The following MX1 variants were observed in gnomAD, a reference collection of about 807,000 sequenced individuals.
MX1 encodes MX dynamin like GTPase 1, also known as interferon-induced GTP-binding protein Mx1.
A neutral mutation model predicts 66.4 loss-of-function variants in MX1; 66 were observed. The ratio of observed to expected loss-of-function variants is 0.99; its 90% confidence interval spans 0.82 to 1.22. The LOEUF is 1.22. Among genes scored for constraint, MX1 ranks in the 50% most tolerant of loss-of-function variants. The pLI, the probability that MX1 is intolerant of heterozygous loss-of-function variation, is 0.00. For synonymous variants in MX1, 311 were observed against 318.1 expected, an observed-to-expected ratio of 0.98 and a Z score of 0.24; for missense variants, 787 against 834.3, an observed-to-expected ratio of 0.94 and a Z score of 0.70.
chr21:41,424,450 G>A (rs1230712900), upstream of MX1, among the ~76,000 whole-genome samples: 45 of 152,208 alleles, frequency 3.0e-4, no homozygotes, highest in Admixed American at 2.9e-3. Flanking sequence ...TATTGAATTT[G>A]ATTCCATCCA....
At chr21:41,447,930 A>G (rs2090710821) in intron 13 of MX1, among the ~76,000 whole-genome samples, 1 of 152,110 alleles carries the variant, frequency 6.6e-6, no homozygotes, top group Non-Finnish European at 1.5e-5. Context: ...GGGTTTCACC[A>G]TGTTGGCCAG....
intron 5 of MX1, among the ~76,000 whole-genome samples, chr21:41,433,587 A>G (rs1311386253): frequency 6.6e-6 from 1 of 152,232 alleles, no homozygotes; most frequent in Non-Finnish European, 1.5e-5. Flanking sequence ...CTTACGTAAA[A>G]TTCCCCAACA....
In MX1 at chr21:41,436,870, G is replaced by A. The variant is rs1314091666; in HGVS notation, c.299-145G>A. On this transcript the variant is annotated intron_variant, in intron 6 of 16. Transcript: ENST00000398598. ...CACCCAGACACAGTGCGATGTCCCC[G>A]CATATCAGAGGGTAAGACCAGAAAG... 1.1e-5 allele frequency: 10 copies of A among 920,514 alleles called. No homozygotes were observed. In the Admixed American group the frequency reaches 1.6e-4, roughly 15 times the overall value. The allele number at this position is 920,514 out of a possible 1,614,324, so 57.0% of individuals were successfully genotyped here.
chr21:41,444,441 C>G (rs28449257), intron 11 of MX1, among the ~76,000 whole-genome samples: 7,283 of 150,646 alleles, frequency 0.048, 257 homozygotes, highest in Middle Eastern at 0.092. Context: ...ATTCTCCTAC[C>G]TCAGCCTCCT....
chr21:41,440,447 C>G (rs559152683), intron 8 of MX1, among the ~76,000 whole-genome samples: 9 of 152,222 alleles, frequency 5.9e-5, no homozygotes, highest in African/African-American at 1.7e-4. Context: ...CCACTGCACT[C>G]CAGCCTGGGC....
chr21:41,438,281 A>ACCT (rs1421472075), intron 7 of MX1, among the ~76,000 whole-genome samples: 1 of 152,262 alleles, frequency 6.6e-6, no homozygotes, highest in Non-Finnish European at 1.5e-5. Flanking sequence ...TTGCAGCAGA[A>ACCT]AACTCAAAAT....
chr21:41,434,870 C>T (rs2090316898), intron 5 of MX1, among the ~76,000 whole-genome samples: 1 of 152,190 alleles, frequency 6.6e-6, no homozygotes, highest in African/African-American at 2.4e-5. Context: ...CTAGTATAGA[C>T]TCCTTTGTAT....
chr21:41,431,086 G>C (rs1050283618), intron 4 of MX1, among the ~76,000 whole-genome samples: 1 of 152,164 alleles, frequency 6.6e-6, no homozygotes, highest in African/African-American at 2.4e-5. Flanking sequence ...GCAGTGGTGC[G>C]ATCTCGGCTC....
At chr21:41,450,968 G>A (rs1342811261) in intron 14 of MX1, 199 bp from the exon 15 acceptor site, 1 of 373,826 alleles carries the variant, frequency 2.7e-6, no homozygotes, top group African/African-American at 2.1e-5. Flanking sequence ...ATGTATGCCA[G>A]GGGTCATTTG....
intron 1 of MX1, chr21:41,426,490 G>A (rs1182777477): frequency 1.3e-5 from 2 of 152,286 alleles, no homozygotes; most frequent in East Asian, 1.9e-4. Flanking sequence ...AGGCTGCCCA[G>A]GCTCCTGATG....
At chr21:41,448,927 GTTT>G (rs34045368) in intron 13 of MX1, among the ~76,000 whole-genome samples, 23 of 93,518 alleles carry the variant, frequency 2.5e-4, no homozygotes, top group East Asian at 2.2e-3. Context: ...TTCAGATCTG[GTTT>G]TGTGTGTGTG....
intron 16 of MX1, 27 bp downstream of exon 16, chr21:41,452,896 C>T (rs2090871580): frequency 2.5e-6 from 4 of 1,608,454 alleles, no homozygotes; most frequent in African/African-American, 1.3e-5. Context: ...TTCAGGATGC[C>T]AGCTTCCATT....
At chr21:41,421,957 A>G (rs1278531543), upstream of MX1, 2 of 152,266 alleles carry the variant, frequency 1.3e-5, no homozygotes, top group Admixed American at 6.5e-5. Context: ...CAACGCTGCC[A>G]TTCTTTTTCC....
intron 7 of MX1, among the ~76,000 whole-genome samples, chr21:41,438,448 ACCGGGCCTTC>A (rs2090422442): frequency 6.6e-6 from 1 of 151,926 alleles, no homozygotes; most frequent in African/African-American, 2.4e-5. Flanking sequence ...GGCTGGAGTG[ACCGGGCCTTC>A]TGTCTGTGTG....
intron 16 of MX1, among the ~76,000 whole-genome samples, chr21:41,455,332 G>A (rs895546105): frequency 6.6e-5 from 10 of 152,200 alleles, no homozygotes; most frequent in Non-Finnish European, 1.2e-4. Flanking sequence ...CTGCATGCAC[G>A]TGAGTGAAGC....
intron 5 of MX1, among the ~76,000 whole-genome samples, chr21:41,433,909 T>G (rs911984428): frequency 1.3e-5 from 2 of 152,226 alleles, no homozygotes; most frequent in Non-Finnish European, 2.9e-5. Flanking sequence ...TTCATGCATT[T>G]GGTAAGGCTG....
rs767591440 is a variant in MX1, at chr21:41,446,026, C to T, written c.1158C>T (p.Ile386=). Residue 386 remains isoleucine, a synonymous_variant, in exon 13 of 17, where the codon ATC becomes ATT. Transcript: ENST00000398598. ...AAGTTAATGCCTTTAATCAGGACATCACTGCTCTCATGCAAGGAGAGGAAA... is the reference window on the plus strand; with the variant it reads ...AAGTTAATGCCTTTAATCAGGACATTACTGCTCTCATGCAAGGAGAGGAAA... ...IDKVNAFNQD[I]TALMQGEETV... The T allele has an allele frequency of 6.2e-7, 1 of 1,614,012 alleles. No homozygotes were observed. The highest frequency in any genetic ancestry group is 8.5e-7 in the Non-Finnish European group (1 of 1,179,876).
intron 14 of MX1, chr21:41,449,558 A>G: frequency 2.8e-6 from 1 of 355,610 alleles, no homozygotes; most frequent in Non-Finnish European, 5.0e-6. Context: ...CACAAGTCCC[A>G]GACCTCCTAT....
intron 7 of MX1, among the ~76,000 whole-genome samples, chr21:41,437,796 G>A (rs893670400): frequency 3.9e-5 from 6 of 152,200 alleles, no homozygotes; most frequent in Middle Eastern, 3.2e-3. Context: ...TCCTCCCCCT[G>A]TTCCTTTGTA....
Sources: gnomAD v4.1 joint callset for allele counts (sites outside exome capture counted in the v4.1 genomes callset) on GRCh38, gnomAD v4.1.1 for gene constraint, MANE v1.5 for transcripts, NCBI Gene and HGNC (gene_info 2026-07-23, HGNC 2026-07-21) for gene names.